ACVR1: variants seen among roughly 807,000 people sequenced by gnomAD.
ACVR1 encodes the protein activin A receptor type 1.
ACVR1 carries 38 observed loss-of-function variants against 57.1 expected under a neutral mutation model. The ratio of observed to expected loss-of-function variants is 0.67; its 90% CI spans 0.51 to 0.87. The LOEUF (loss-of-function observed/expected upper bound fraction) is 0.87, where lower values mean the gene tolerates loss of function less well. Ranked by LOEUF, ACVR1 falls within the 40% of genes least tolerant of loss-of-function variation. The probability of loss-of-function intolerance (pLI) is 0.00; values close to 1 mark genes in which losing one functional copy is unlikely to be tolerated. For synonymous variants in ACVR1, 212 were observed against 228.1 expected (o/e 0.93, Z 0.63); for missense variants, 463 against 638.2 (o/e 0.73, Z 2.96).
At chr2:157,762,642 T>C (rs1685704936) in intron 8 of ACVR1, among the ~76,000 whole-genome samples, 1 of 152,242 alleles carries the variant, frequency 6.6e-6, no homozygotes. Context: ...TGAGGCATAA[T>C]TCCCCATCCC....
chr2:157,750,514 G>A (rs1685142366), intron 9 of ACVR1, among the ~76,000 whole-genome samples: 1 of 152,178 alleles, frequency 6.6e-6, no homozygotes, highest in Non-Finnish European at 1.5e-5. Flanking sequence ...AATTACAGCT[G>A]AAGTAATCAT....
chr2:157,761,981 G>A (rs757347726), intron 8 of ACVR1, among the ~76,000 whole-genome samples: 2 of 152,118 alleles, frequency 1.3e-5, no homozygotes, highest in African/African-American at 2.4e-5. Context: ...TCCACTCCAC[G>A]GCTTTGAATG....
intron 2 of ACVR1, among the ~76,000 whole-genome samples, chr2:157,801,714 A>G (rs1687334446): frequency 6.6e-6 from 1 of 152,198 alleles, no homozygotes. Context: ...TATTTTATGT[A>G]TGTTTTATAA....
chr2:157,834,836 G>A (rs1333254029), intron 1 of ACVR1, among the ~76,000 whole-genome samples: 2 of 152,090 alleles, frequency 1.3e-5, no homozygotes, highest in Non-Finnish European at 2.9e-5. Context: ...CGTGGGATGA[G>A]TGCCCCTGTG....
At chr2:157,757,358 T>C (rs1685477733) in intron 9 of ACVR1, among the ~76,000 whole-genome samples, 1 of 151,798 alleles carries the variant, frequency 6.6e-6, no homozygotes, top group Non-Finnish European at 1.5e-5. Context: ...ATTTCCCACA[T>C]CTTTCAAGAG....
chr2:157,799,583 G>A lies in ACVR1; in HGVS notation c.-7-83C>T, dbSNP rs1276713691. 7 of 990,520 alleles carry A rather than the reference G, an allele frequency of 7.1e-6. No individual in the cohort carries two copies. In the Admixed American group the frequency reaches 1.0e-4, roughly 15 times the overall value. 61.4% of individuals were successfully genotyped at this position (990,520 alleles called of 1,614,324 possible). On this transcript the variant is annotated intron_variant, in intron 2 of 10. Transcript: ENST00000434821. ...AAATTAAGCATACCACCTTCAAACT[G>A]CCATTCAAGGCCCTTCTTACTAATC...
intron 1 of ACVR1, among the ~76,000 whole-genome samples, chr2:157,862,145 T>A (rs1210891204): frequency 1.3e-5 from 2 of 152,186 alleles, no homozygotes; most frequent in African/African-American, 4.8e-5. Flanking sequence ...CTGCTAAACT[T>A]TAGGATTATT....
At chr2:157,799,320 T>G in intron 3 of ACVR1, 107 bp downstream of exon 3, 1 of 741,856 alleles carries the variant, frequency 1.3e-6, no homozygotes, top group South Asian at 1.6e-5. Flanking sequence ...ATATTTATTA[T>G]AAAAAGAGTG....
At chr2:157,801,597 G>A (rs565237173) in intron 2 of ACVR1, among the ~76,000 whole-genome samples, 32 of 152,278 alleles carry the variant, frequency 2.1e-4, no homozygotes, top group African/African-American at 7.7e-4. Context: ...TGCAACTACT[G>A]TCATAGATAG....
intron 1 of ACVR1, among the ~76,000 whole-genome samples, chr2:157,862,522 C>T (rs935171899): frequency 5.2e-4 from 78 of 150,908 alleles, no homozygotes; most frequent in African/African-American, 1.6e-3. Context: ...CTGTAAGATA[C>T]GGAAAATAAT....
intron 8 of ACVR1, among the ~76,000 whole-genome samples, chr2:157,762,985 A>T (rs1018257885): frequency 2.6e-5 from 4 of 152,170 alleles, no homozygotes; most frequent in Non-Finnish European, 5.9e-5. Context: ...CTCTCAAGAG[A>T]CTGTGTGAGA....
chr2:157,778,381 T>A, intron 4 of ACVR1, 39 bp from the exon 5 acceptor site: 3 of 1,515,878 alleles, frequency 2.0e-6, no homozygotes, highest in Non-Finnish European at 2.7e-6. Flanking sequence ...GTTGTAAGGA[T>A]CACTGCTTAC....
intron 1 of ACVR1, among the ~76,000 whole-genome samples, chr2:157,849,650 T>A (rs1689230886): frequency 6.6e-6 from 1 of 152,244 alleles, no homozygotes; most frequent in Non-Finnish European, 1.5e-5. Flanking sequence ...ACACATAGGC[T>A]TTTATTAAAA....
chr2:157,739,498 T>A (rs1230330633), intron 9 of ACVR1, among the ~76,000 whole-genome samples: 1 of 152,190 alleles, frequency 6.6e-6, no homozygotes, highest in African/African-American at 2.4e-5. Flanking sequence ...AACCAAGACA[T>A]CTATTATTTC....
chr2:157,756,308 T>C (rs538273789), intron 9 of ACVR1, among the ~76,000 whole-genome samples: 70 of 151,578 alleles, frequency 4.6e-4, no homozygotes, highest in African/African-American at 1.7e-3. Context: ...CGAAGATAAA[T>C]AGGTGGGACT....
Position 157,761,368 on chromosome 2 carries a change from G to C in ACVR1, c.1067-291C>G, listed in dbSNP as rs373083629. Among the ~76,000 whole-genome samples, 7 of 152,290 alleles carry C rather than the reference G, an allele frequency of 4.6e-5. No individual in the cohort carries two copies. In the East Asian group the frequency reaches 9.7e-4, roughly 21 times the overall value. Reference sequence around the variant, plus strand: ...CCAATGCACTAAACCAATGTGGCCTGTGTTTGAGGTCCACAGGAAAACAGG... The same window carrying C: ...CCAATGCACTAAACCAATGTGGCCTCTGTTTGAGGTCCACAGGAAAACAGG... On this transcript the variant is annotated intron_variant, in intron 8 of 10. Coordinates refer to ENST00000434821, the MANE Select transcript of ACVR1 (RefSeq NM_001111067.4).
chr2:157,790,226 G>A (rs6719924), intron 3 of ACVR1: 118,763 of 152,266 alleles, frequency 0.78, 46,439 homozygotes, highest in East Asian at 0.93. Flanking sequence ...TTCAGTTGCT[G>A]TCAGCTCAGT....
At chr2:157,741,453 C>T (rs1197288185) in intron 9 of ACVR1, among the ~76,000 whole-genome samples, 6 of 151,606 alleles carry the variant, frequency 4.0e-5, no homozygotes, top group Non-Finnish European at 1.5e-5. Context: ...GGTGAAACCC[C>T]GTCTCTACTA....
At chr2:157,787,211 G>A (rs926534584) in intron 3 of ACVR1, among the ~76,000 whole-genome samples, 15 of 152,156 alleles carry the variant, frequency 9.9e-5, no homozygotes, top group African/African-American at 3.1e-4. Flanking sequence ...GACCTAAGAC[G>A]ATATTCGTCT....
Sources: allele counts gnomAD v4.1 joint callset (sites outside exome capture counted in the v4.1 genomes callset), GRCh38; gene constraint gnomAD v4.1.1; transcripts MANE v1.5; gene names NCBI Gene and HGNC (gene_info 2026-07-23, HGNC 2026-07-21).